IFT88: variants seen among roughly 807,000 people sequenced by gnomAD.
IFT88 encodes intraflagellar transport 88.
In IFT88, 74 loss-of-function variants were observed where a neutral mutation model predicts 119.5. That is an observed-to-expected ratio of 0.62 (90% confidence interval 0.51 to 0.75). The LOEUF is 0.75. IFT88 is among the 30% of genes least tolerant of loss of function. IFT88 has a pLI of 0.00. For synonymous variants in IFT88, 279 were observed against 316.7 expected (o/e 0.88, Z 1.26); for missense variants, 961 against 977.7 (o/e 0.98, Z 0.23).
chr13:20,589,899 G>A, intron 4 of IFT88, 32 bp downstream of exon 4: 1 of 1,345,322 alleles, frequency 7.4e-7, no homozygotes, highest in Non-Finnish European at 1.1e-6. Context: ...ATATTAAGAT[G>A]CTTTTTCTCA....
At chr13:20,680,788 G>A (rs533959928) in intron 24 of IFT88, among the ~76,000 whole-genome samples, 1 of 132,154 alleles carries the variant, frequency 7.6e-6, no homozygotes, top group Non-Finnish European at 1.6e-5. Flanking sequence ...ATCCAAATCA[G>A]CTGCTGGTTT....
intron 17 of IFT88, among the ~76,000 whole-genome samples, chr13:20,639,876 C>T (rs1229440250): frequency 2.0e-5 from 3 of 149,438 alleles, no homozygotes; most frequent in Non-Finnish European, 4.4e-5. Flanking sequence ...GCAACCTCCA[C>T]CTTCCAGGTT....
chr13:20,642,394 A>C (rs1361283711), intron 18 of IFT88: 1 of 152,182 alleles, frequency 6.6e-6, no homozygotes, highest in Non-Finnish European at 1.5e-5. Context: ...ATTTGAAGTC[A>C]GGAGTTCGAG....
intron 23 of IFT88, among the ~76,000 whole-genome samples, chr13:20,664,441 G>A (rs1027930277): frequency 1.3e-5 from 2 of 152,148 alleles, no homozygotes; most frequent in Admixed American, 1.3e-4. Flanking sequence ...AAGCAATTGT[G>A]GCACTGGGTT....
chr13:20,592,628 T>A (rs1475954703), intron 7 of IFT88, among the ~76,000 whole-genome samples: 1 of 152,014 alleles, frequency 6.6e-6, no homozygotes, highest in Non-Finnish European at 1.5e-5. Flanking sequence ...TGCGACTACA[T>A]CCAGATAATT....
At chr13:20,579,392 T>A (rs2038095128) in intron 2 of IFT88, among the ~76,000 whole-genome samples, 1 of 152,124 alleles carries the variant, frequency 6.6e-6, no homozygotes, top group Admixed American at 6.5e-5. Flanking sequence ...TTTCCACCCT[T>A]TTCCCCAGGC....
intron 14 of IFT88, among the ~76,000 whole-genome samples, chr13:20,618,382 A>G (rs2045973854): frequency 6.6e-6 from 1 of 152,164 alleles, no homozygotes; most frequent in South Asian, 2.1e-4. Context: ...AAGCCTCCCC[A>G]AGTGATTCTG....
chr13:20,683,992 A>T (rs1443996182), intron 24 of IFT88, among the ~76,000 whole-genome samples: 1 of 152,232 alleles, frequency 6.6e-6, no homozygotes, highest in Non-Finnish European at 1.5e-5. Context: ...TACCGTCCCC[A>T]CTGGCATCAT....
chr13:20,568,999 C>T (rs146305371), intron 1 of IFT88, among the ~76,000 whole-genome samples: 2 of 152,112 alleles, frequency 1.3e-5, no homozygotes, highest in African/African-American at 2.4e-5. Flanking sequence ...GGATTACAAG[C>T]GTGAGCCACG....
intron 14 of IFT88, among the ~76,000 whole-genome samples, chr13:20,617,424 TCAAA>T (rs2045814530): frequency 6.6e-6 from 1 of 152,076 alleles, no homozygotes; most frequent in Non-Finnish European, 1.5e-5. Context: ...AAAAGAGAAG[TCAAA>T]CAAAGCCGAT....
intron 1 of IFT88, 26 bp from the exon 2 acceptor site, chr13:20,574,354 A>G (rs1176067778): frequency 2.9e-6 from 4 of 1,369,598 alleles, no homozygotes; most frequent in Admixed American, 1.8e-5. Flanking sequence ...TACCAAGAAC[A>G]TATTTACACT....
chr13:20,589,762 AT>A, intron 3 of IFT88, 48 bp from the exon 4 acceptor site: 2 of 1,177,522 alleles, frequency 1.7e-6, no homozygotes, highest in Non-Finnish European at 2.5e-6. Flanking sequence ...GTTTTCTATT[AT>A]ATAGCTCAGT....
At chr13:20,682,015 G>A (rs1333467944) in intron 24 of IFT88, among the ~76,000 whole-genome samples, 1 of 152,226 alleles carries the variant, frequency 6.6e-6, no homozygotes, top group African/African-American at 2.4e-5. Flanking sequence ...TTTTCGGAAA[G>A]TGATTATCAA....
At chr13:20,690,839 T>C (rs1228964174) in intron 25 of IFT88, 24 bp downstream of exon 25, 1 of 1,537,704 alleles carries the variant, frequency 6.5e-7, no homozygotes, top group Non-Finnish European at 9.0e-7. Context: ...ACCCAGTTCC[T>C]CCAGGCATAG....
At position 20,623,152 on chromosome 13, in the gene IFT88, A is replaced by G. The variant is rs2314234; in HGVS notation, c.1200-2598A>G. 1.3e-4 allele frequency among the ~76,000 whole-genome samples: 20 copies of G among 152,076 alleles called. No homozygotes were observed. In the East Asian group the frequency reaches 3.1e-3, roughly 23 times the overall value. ...GTGGTGGTTTGTTTTCGGGCTCACT[A>G]CTCTATGCTATTGGTCTACATGTCT... On this transcript the variant is annotated intron_variant, in intron 14 of 25. Coordinates refer to ENST00000351808, the MANE Select transcript of IFT88 (RefSeq NM_006531.5).
chr13:20,657,902 G>A (rs1278468988), intron 22 of IFT88, among the ~76,000 whole-genome samples: 6 of 152,056 alleles, frequency 3.9e-5, no homozygotes, highest in Non-Finnish European at 7.4e-5. Flanking sequence ...GATGTACTAC[G>A]TGTTTCTTCA....
intron 11 of IFT88, among the ~76,000 whole-genome samples, chr13:20,600,072 A>G (rs2042350288): frequency 6.6e-6 from 1 of 152,258 alleles, no homozygotes; most frequent in African/African-American, 2.4e-5. Flanking sequence ...GAAGTTTCCA[A>G]GATATTTACT....
chr13:20,666,738 A>G (rs2054756894), intron 23 of IFT88, among the ~76,000 whole-genome samples: 1 of 151,938 alleles, frequency 6.6e-6, no homozygotes, highest in African/African-American at 2.4e-5. Flanking sequence ...TTTTTTCCCT[A>G]TTATGAAAAC....
rs538204468 is a variant in IFT88, at chr13:20,597,558, C to T, written c.594+439C>T. 1.4e-4 allele frequency among the ~76,000 whole-genome samples: 21 copies of T among 152,174 alleles called. No individual in the cohort carries two copies. In the South Asian group the frequency reaches 2.9e-3, roughly 21 times the overall value. On this transcript the variant is annotated intron_variant, in intron 9 of 25. Transcript: ENST00000351808. The stretch of plus-strand genomic sequence containing the variant: ...AGGAAATCGAGACCATCCTGGCTAA[C>T]ATGGTGAAACCCCATCTCTACTAAA...
Sources: gnomAD v4.1 joint callset for allele counts (sites outside exome capture counted in the v4.1 genomes callset) on GRCh38, gnomAD v4.1.1 for gene constraint, MANE v1.5 for transcripts, NCBI Gene and HGNC (gene_info 2026-07-23, HGNC 2026-07-21) for gene names.